Variants in EIF4B observed in about 807,000 individuals in gnomAD.
EIF4B encodes the protein eukaryotic translation initiation factor 4B.
A neutral mutation model predicts 79.3 loss-of-function variants in EIF4B; 8 were observed. That is an observed-to-expected ratio of 0.10 (90% CI 0.06 to 0.18). The LOEUF is 0.18. Among genes scored for constraint, EIF4B ranks in the 10% least tolerant of loss-of-function variants. EIF4B has a pLI of 1.00. For synonymous variants in EIF4B, 238 were observed against 274.7 expected (o/e 0.87, Z 1.32); for missense variants, 515 against 792.4 (o/e 0.65, Z 4.20).
Position 53,034,745 on chromosome 12 carries a change from G to A in EIF4B, c.1306+36G>A, listed in dbSNP as rs764152361. ...CCAGGGTGGGTATCGTGTTATTGCC[G>A]TTTTCCATAAACTATCCATAACCAA... On this transcript the variant is annotated intron_variant, in intron 10 of 14. Transcript: ENST00000262056. 1.2e-5 allele frequency: 20 copies of A among 1,610,982 alleles called. No individual in the cohort carries two copies. In the East Asian group the frequency reaches 2.0e-4, roughly 16 times the overall value.
intron 8 of EIF4B, among the ~76,000 whole-genome samples, chr12:53,032,234 G>A (rs1178323839): frequency 6.6e-6 from 1 of 152,128 alleles, no homozygotes; most frequent in African/African-American, 2.4e-5. Context: ...TTGAGGTCGG[G>A]AGTTCAAGAC....
intron 13 of EIF4B, 118 bp downstream of exon 13, chr12:53,039,461 C>A: frequency 1.7e-6 from 2 of 1,211,058 alleles, no homozygotes; most frequent in African/African-American, 1.5e-5. Flanking sequence ...CTAAAGTCAG[C>A]CAACGTAGAC....
At position 53,037,564 on chromosome 12, in the gene EIF4B, A is replaced by C; in HGVS notation, c.1462A>C (p.Ser488Arg). The C allele has an allele frequency of 6.2e-7, 1 of 1,613,994 alleles. No homozygotes were observed. Among genetic ancestry groups the C allele is most frequent in the Non-Finnish European group, 8.5e-7 (1 of 1,179,876 alleles). The change falls in exon 11 of 15, where the codon AGT becomes CGT. Residue 488 changes from serine (S) to arginine (R), a missense_variant. Physicochemically the swap from Ser to Arg is moderately radical, Grantham distance 110. Around this residue, in one of 6 missense-constraint regions of EIF4B, gnomAD observed 146 missense variants for 228.0 expected, o/e 0.64. Transcript: ENST00000262056. Reference sequence around the variant, plus strand: ...AAAGGAGAATGCTTGGGTGAAGCGAAGTTCTAACCCTCCTGCTCGATCTCA... The same window carrying C: ...AAAGGAGAATGCTTGGGTGAAGCGACGTTCTAACCCTCCTGCTCGATCTCA... ...PPKENAWVKR[S>R]SNPPARSQSS...
intron 9 of EIF4B, 27 bp from the exon 10 acceptor site, chr12:53,034,585 T>C: frequency 6.2e-7 from 1 of 1,613,188 alleles, no homozygotes; most frequent in Non-Finnish European, 8.5e-7. Flanking sequence ...CCAGGCATAA[T>C]GTGTATTTTG....
At chr12:53,032,160 C>T (rs906132961) in intron 8 of EIF4B, among the ~76,000 whole-genome samples, 7 of 152,078 alleles carry the variant, frequency 4.6e-5, no homozygotes, top group African/African-American at 1.7e-4. Context: ...CTAGAGTCTT[C>T]CTGGCTGGGC....
At position 53,040,678 on chromosome 12, in the gene EIF4B, T is replaced by G. The variant is rs1169563721; in HGVS notation, c.*455T>G. 1 of 152,962 alleles carries G rather than the reference T, an allele frequency of 6.5e-6. No individual in the cohort carries two copies. The highest frequency in any genetic ancestry group is 1.5e-5 in the Non-Finnish European group (1 of 68,572). The allele number at this position is 152,962 out of a possible 1,614,324, so 9.5% of individuals were successfully genotyped here. ...TCTCAAACATTATCTGAATAAATTT[T>G]CCACTCTTGGAAAGGTAGATTTAGC... On this transcript the variant is annotated 3_prime_UTR_variant, in exon 15 of 15. Coordinates refer to ENST00000262056, the MANE Select transcript of EIF4B (RefSeq NM_001417.7).
chr12:53,030,916 T>TG (rs773313507), intron 8 of EIF4B, among the ~76,000 whole-genome samples: 1 of 152,194 alleles, frequency 6.6e-6, no homozygotes, highest in Non-Finnish European at 1.5e-5. Context: ...CCTTGACTTC[T>TG]GACCTTTTCC....
chr12:53,011,749 A>G (rs1943067641), intron 1 of EIF4B, among the ~76,000 whole-genome samples: 1 of 152,162 alleles, frequency 6.6e-6, no homozygotes, highest in East Asian at 1.9e-4. Flanking sequence ...ACTTAGCAAT[A>G]TTTCCGTTTT....
At chr12:53,017,068 C>T (rs1943159933) in intron 2 of EIF4B, among the ~76,000 whole-genome samples, 1 of 152,068 alleles carries the variant, frequency 6.6e-6, no homozygotes. Flanking sequence ...GCCTGGCCAA[C>T]ATGGTGAAAA....
chr12:53,006,956 G>T (rs1223368418), intron 1 of EIF4B, among the ~76,000 whole-genome samples: 2 of 150,104 alleles, frequency 1.3e-5, no homozygotes, highest in Non-Finnish European at 3.0e-5. Flanking sequence ...GTGTGGTGGG[G>T]GGGAGCAGTT....
intron 8 of EIF4B, among the ~76,000 whole-genome samples, chr12:53,033,166 T>C (rs1363034957): frequency 6.8e-6 from 1 of 146,970 alleles, no homozygotes; most frequent in East Asian, 2.1e-4. Flanking sequence ...ATTATAGGCA[T>C]GCACCACCAT....
chr12:53,019,794 T>G, intron 3 of EIF4B, 116 bp from the exon 4 acceptor site: 1 of 894,090 alleles, frequency 1.1e-6, no homozygotes, highest in South Asian at 1.6e-5. Flanking sequence ...GACAACCATG[T>G]TCTTGTGTAT....
At chr12:53,006,904 G>C (rs1248367940) in intron 1 of EIF4B, among the ~76,000 whole-genome samples, 2 of 150,942 alleles carry the variant, frequency 1.3e-5, no homozygotes, top group African/African-American at 4.9e-5. Flanking sequence ...CGTCTCCAAG[G>C]CGCGAGGCTG....
At chr12:53,019,749 T>G (rs1943217941) in intron 3 of EIF4B, among the ~76,000 whole-genome samples, 161 bp from the exon 4 acceptor site, 1 of 150,920 alleles carries the variant, frequency 6.6e-6, no homozygotes, top group African/African-American at 2.4e-5. Context: ...TTTAGTAAAG[T>G]TTCTACTATC....
At chr12:53,009,569 A>G (rs1273241534) in intron 1 of EIF4B, among the ~76,000 whole-genome samples, 5 of 152,098 alleles carry the variant, frequency 3.3e-5, no homozygotes, top group Non-Finnish European at 7.4e-5. Flanking sequence ...TTTCATTTCC[A>G]TAATGCTTCA....
At chr12:53,018,277 C>T (rs770943254) in intron 2 of EIF4B, among the ~76,000 whole-genome samples, 1 of 152,132 alleles carries the variant, frequency 6.6e-6, no homozygotes. Context: ...TGTGAGCCAC[C>T]GAGCCAGGCC....
chr12:53,006,602 C>T, intron 1 of EIF4B, 106 bp downstream of exon 1: 1 of 1,591,408 alleles, frequency 6.3e-7, no homozygotes, highest in Non-Finnish European at 8.6e-7. Flanking sequence ...TGGTTCCTTT[C>T]TGAATTGAGG....
chr12:53,026,893 T>A (rs865815834), intron 6 of EIF4B, among the ~76,000 whole-genome samples: 4 of 152,246 alleles, frequency 2.6e-5, no homozygotes, highest in African/African-American at 9.6e-5. Context: ...AAAATTATGA[T>A]CAGCAGTGCA....
At chr12:53,016,332 C>A in intron 1 of EIF4B, 141 bp from the exon 2 acceptor site, 1 of 1,118,064 alleles carries the variant, frequency 8.9e-7, no homozygotes, top group Non-Finnish European at 1.3e-6. Context: ...CATAGTACCC[C>A]TTCATGGAAA....
Sources: gnomAD v4.1 joint callset for allele counts (sites outside exome capture counted in the v4.1 genomes callset) on GRCh38, gnomAD v4.1.1 for gene constraint, gnomAD v4.1.1 regional missense constraint, MANE v1.5 for transcripts, NCBI Gene and HGNC (gene_info 2026-07-23, HGNC 2026-07-21) for gene names.